The following GNB1 variants were observed in gnomAD, a reference collection of about 807,000 sequenced individuals.
GNB1 encodes G protein subunit beta 1.
Under a neutral mutation model 42.9 loss-of-function variants are expected in GNB1, and 2 were observed. That is an observed-to-expected ratio of 0.05 (90% confidence interval 0.02 to 0.15). The LOEUF is 0.15. Among genes scored for constraint, GNB1 ranks in the 10% least tolerant of loss-of-function variants. The pLI is 1.00. For synonymous variants in GNB1, 183 were observed against 174.7 expected (o/e 1.05, Z -0.38); for missense variants, 193 against 462.2 (o/e 0.42, Z 5.34).
chr1:1,822,526 A>C (rs1177031087), intron 3 of GNB1, among the ~76,000 whole-genome samples: 3 of 151,990 alleles, frequency 2.0e-5, no homozygotes, highest in Non-Finnish European at 4.4e-5. Flanking sequence ...CGTGTTAGCC[A>C]GGATGGTATC....
chr1:1,793,060 A>C (rs1413757809), intron 8 of GNB1, among the ~76,000 whole-genome samples, 185 bp downstream of exon 8: 1 of 138,002 alleles, frequency 7.2e-6, no homozygotes, highest in Non-Finnish European at 1.6e-5. Context: ...ACAAAACTCC[A>C]TCTCAAAAAA....
chr1:1,830,262 T>A (rs1647057369), intron 2 of GNB1, among the ~76,000 whole-genome samples: 1 of 151,230 alleles, frequency 6.6e-6, no homozygotes, highest in African/African-American at 2.5e-5. Flanking sequence ...AAAATAATAT[T>A]ACATTTTTTT....
chr1:1,849,459 T>C (rs1477229459), intron 1 of GNB1, among the ~76,000 whole-genome samples: 1 of 152,194 alleles, frequency 6.6e-6, no homozygotes, highest in Non-Finnish European at 1.5e-5. Context: ...CAGGCTACAG[T>C]GCAGTGGCAC....
chr1:1,799,051 G>A (rs538279043), intron 7 of GNB1, among the ~76,000 whole-genome samples: 198 of 152,150 alleles, frequency 1.3e-3, no homozygotes, highest in Middle Eastern at 3.4e-3. Context: ...CTTTTGAGTA[G>A]CTGGGACTAC....
chr1:1,861,451 T>C (rs889873699), intron 1 of GNB1, among the ~76,000 whole-genome samples: 1 of 151,568 alleles, frequency 6.6e-6, no homozygotes, highest in African/African-American at 2.4e-5. Flanking sequence ...CTGTGTACTG[T>C]CTCAAAAATA....
At chr1:1,805,799 C>T (rs571700451) in intron 6 of GNB1, among the ~76,000 whole-genome samples, 7 of 152,220 alleles carry the variant, frequency 4.6e-5, no homozygotes, top group African/African-American at 1.4e-4. Flanking sequence ...GCTTCAGCCT[C>T]CCAAAATGCT....
chr1:1,816,110 C>T (rs978434873), intron 4 of GNB1, among the ~76,000 whole-genome samples: 25 of 152,178 alleles, frequency 1.6e-4, no homozygotes, highest in Non-Finnish European at 1.9e-4. Context: ...ACGAACATGG[C>T]CAGCCTTGAA....
intron 5 of GNB1, among the ~76,000 whole-genome samples, chr1:1,812,393 TACACACAC>T (rs1264211536): frequency 3.2e-5 from 3 of 93,476 alleles, no homozygotes; most frequent in African/African-American, 9.3e-5. Context: ...TGTATATATA[TACACACAC>T]ATACATACAC....
intron 2 of GNB1, among the ~76,000 whole-genome samples, chr1:1,831,509 C>T (rs181692930): frequency 7.7e-4 from 117 of 152,098 alleles, no homozygotes; most frequent in African/African-American, 2.7e-3. Context: ...AGTGCAATGG[C>T]GCGATCTCGG....
chr1:1,852,598 G>A (rs1184041032), intron 1 of GNB1, among the ~76,000 whole-genome samples: 1 of 151,678 alleles, frequency 6.6e-6, no homozygotes, highest in Non-Finnish European at 1.5e-5. Context: ...CAGAGGCTAA[G>A]ACAGGAGGAC....
chr1:1,789,575 C>T (rs1433306945), intron 9 of GNB1, among the ~76,000 whole-genome samples: 3 of 152,042 alleles, frequency 2.0e-5, no homozygotes, highest in Non-Finnish European at 4.4e-5. Flanking sequence ...GCCTGTAATC[C>T]CAGCTACTCA....
chr1:1,835,763 G>A (rs781250059), intron 2 of GNB1, among the ~76,000 whole-genome samples: 1 of 151,976 alleles, frequency 6.6e-6, no homozygotes, highest in African/African-American at 2.4e-5. Flanking sequence ...TACTACAGGT[G>A]TGTGTTGAAC....
intron 2 of GNB1, among the ~76,000 whole-genome samples, chr1:1,831,966 G>C (rs1280662600): frequency 6.6e-6 from 1 of 150,916 alleles, no homozygotes; most frequent in Non-Finnish European, 1.5e-5. Context: ...GGAGGCTGAA[G>C]TGGGAGAATC....
intron 7 of GNB1, among the ~76,000 whole-genome samples, chr1:1,802,076 G>T (rs1646633650): frequency 6.6e-6 from 1 of 152,194 alleles, no homozygotes; most frequent in Admixed American, 6.5e-5. Context: ...CTGAAGCACA[G>T]ATTGACAGAA....
intron 2 of GNB1, among the ~76,000 whole-genome samples, chr1:1,826,254 T>TA (rs1281796930): frequency 6.6e-6 from 1 of 151,594 alleles, no homozygotes; most frequent in Non-Finnish European, 1.5e-5. Flanking sequence ...CGATCTCTAC[T>TA]AAAAATACAA....
intron 1 of GNB1, among the ~76,000 whole-genome samples, chr1:1,852,902 G>C (rs147689041): frequency 3.5e-4 from 53 of 152,150 alleles, no homozygotes; most frequent in African/African-American, 9.9e-4. Context: ...TCAAGTCGAG[G>C]ATCCACTCCT....
At chr1:1,854,489 T>TA (rs961760088) in intron 1 of GNB1, among the ~76,000 whole-genome samples, 9 of 151,732 alleles carry the variant, frequency 5.9e-5, no homozygotes, top group South Asian at 2.1e-4. Context: ...AGCTCAGTCA[T>TA]AAAAAAAAGG....
chr1:1,877,145 A>G (rs1211313893), intron 1 of GNB1, among the ~76,000 whole-genome samples: 1 of 151,892 alleles, frequency 6.6e-6, no homozygotes, highest in Non-Finnish European at 1.5e-5. Flanking sequence ...TACTAAAAAT[A>G]CAAAATTAGC....
chr1:1,879,440 C>T lies in GNB1; in HGVS notation c.-96+11380G>A, dbSNP rs924620512. 4.6e-5 allele frequency among the ~76,000 whole-genome samples: 7 copies of T among 152,322 alleles called. No individual in the cohort carries two copies. The South Asian group carries it at 8.3e-4, about 18-fold the overall frequency. On this transcript the variant is annotated intron_variant, in intron 1 of 11. Transcript: ENST00000378609. ...CTACTTTCTAGGCCGGGCGCAGTGGCTCATGCCTGTAATCCCAGCACTTTG... is the reference window on the plus strand; with the variant it reads ...CTACTTTCTAGGCCGGGCGCAGTGGTTCATGCCTGTAATCCCAGCACTTTG...
Sources: gnomAD v4.1 joint callset for allele counts (sites outside exome capture counted in the v4.1 genomes callset) on GRCh38, gnomAD v4.1.1 for gene constraint, MANE v1.5 for transcripts, NCBI Gene and HGNC (gene_info 2026-07-23, HGNC 2026-07-21) for gene names.